AFG1L: variants seen among roughly 807,000 people sequenced by gnomAD.
AFG1L encodes the protein AFG1 like ATPase.
Under a neutral mutation model 62.2 loss-of-function variants are expected in AFG1L, and 53 were observed. That is an observed-to-expected ratio of 0.85 (90% CI 0.68 to 1.07). The LOEUF is 1.07. AFG1L is among the 50% of genes least tolerant of loss of function. The probability of loss-of-function intolerance (pLI) is 0.00; values close to 1 mark genes in which losing one functional copy is unlikely to be tolerated. For synonymous variants in AFG1L, 228 were observed against 210.3 expected, an observed-to-expected ratio of 1.08 and a Z score of -0.73; for missense variants, 555 against 590.5, an observed-to-expected ratio of 0.94 and a Z score of 0.62.
chr6:108,429,192 A>G (rs936873560), intron 7 of AFG1L, among the ~76,000 whole-genome samples: 2 of 152,104 alleles, frequency 1.3e-5, no homozygotes, highest in African/African-American at 4.8e-5. Flanking sequence ...TTATATTTTT[A>G]TATGTGTATT....
chr6:108,453,559 G>A (rs1007713824), intron 8 of AFG1L, among the ~76,000 whole-genome samples: 6 of 152,196 alleles, frequency 3.9e-5, no homozygotes, highest in Non-Finnish European at 5.9e-5. Flanking sequence ...TAAGACTGAA[G>A]CTTCTATGTG....
chr6:108,380,027 G>C (rs1291413590), intron 6 of AFG1L, among the ~76,000 whole-genome samples: 1 of 152,160 alleles, frequency 6.6e-6, no homozygotes, highest in Non-Finnish European at 1.5e-5. Context: ...AGCAGAGAGG[G>C]CCCCCGTGCA....
intron 10 of AFG1L, among the ~76,000 whole-genome samples, chr6:108,505,524 G>T (rs1304628689): frequency 1.3e-5 from 2 of 152,142 alleles, no homozygotes; most frequent in African/African-American, 4.8e-5. Flanking sequence ...AGGAACTCCA[G>T]ATATTAGAAG....
intron 7 of AFG1L, among the ~76,000 whole-genome samples, chr6:108,425,162 A>AAG (rs1770757687): frequency 6.6e-6 from 1 of 152,152 alleles, no homozygotes; most frequent in Non-Finnish European, 1.5e-5. Context: ...ATGGCACTCT[A>AAG]GGTTGTAACC....
rs183847886 is a variant in AFG1L at position 108,521,123 on chromosome 6, T to C, written c.1318-1174T>C. ...CCCCTGCCCCTGGTCCATGGAAAAA[T>C]TGTCTTCCACGAAACTGGCCCCTGG... On this transcript the variant is annotated intron_variant, in intron 12 of 12. Transcript: ENST00000368977. 8.5e-5 allele frequency: 13 copies of C among 152,254 alleles called. No individual in the cohort carries two copies. In the East Asian group the frequency reaches 2.1e-3, roughly 25 times the overall value. The allele number at this position is 152,254 out of a possible 1,614,324, so 9.4% of individuals were successfully genotyped here. A position where few individuals can be genotyped will look rare whatever the true frequency, so the allele number is the denominator to read the frequency against.
intron 2 of AFG1L, among the ~76,000 whole-genome samples, chr6:108,333,158 C>T (rs568754009): frequency 1.3e-4 from 19 of 148,870 alleles, no homozygotes; most frequent in Middle Eastern, 3.7e-3. Flanking sequence ...GCCTGTAATC[C>T]CAGCACTTTG....
At chr6:108,300,120 G>C (rs570425634) in intron 1 of AFG1L, among the ~76,000 whole-genome samples, 1 of 150,794 alleles carries the variant, frequency 6.6e-6, no homozygotes, top group Non-Finnish European at 1.5e-5. Context: ...AATCTCTTTA[G>C]TATACATACA....
intron 1 of AFG1L, among the ~76,000 whole-genome samples, chr6:108,321,313 A>C (rs986529959): frequency 2.0e-5 from 3 of 152,214 alleles, no homozygotes; most frequent in African/African-American, 2.4e-5. Context: ...CAGGGAGCCC[A>C]GTAGAAGAGA....
intron 8 of AFG1L, 151 bp downstream of exon 8, chr6:108,447,447 C>G (rs1462728951): frequency 3.6e-6 from 2 of 553,838 alleles, no homozygotes; most frequent in African/African-American, 1.9e-5. Flanking sequence ...CTTCTTCAAC[C>G]CGTGTCTTTA....
chr6:108,470,404 A>C (rs1772837901), intron 8 of AFG1L, among the ~76,000 whole-genome samples: 1 of 152,204 alleles, frequency 6.6e-6, no homozygotes. Context: ...TGGCAATAGA[A>C]GTGGCACTGC....
At chr6:108,365,194 A>G (rs767585504) in intron 5 of AFG1L, among the ~76,000 whole-genome samples, 18 of 152,176 alleles carry the variant, frequency 1.2e-4, no homozygotes, top group Non-Finnish European at 2.2e-4. Context: ...TCTAAAGTCC[A>G]TGTTATTATA....
chr6:108,370,706 T>C (rs1779966259), intron 6 of AFG1L, among the ~76,000 whole-genome samples: 1 of 152,128 alleles, frequency 6.6e-6, no homozygotes, highest in South Asian at 2.1e-4. Context: ...AAGGACACTT[T>C]CTAATTTTCT....
At chr6:108,316,675 G>A (rs1376706473) in intron 1 of AFG1L, among the ~76,000 whole-genome samples, 2 of 151,434 alleles carry the variant, frequency 1.3e-5, no homozygotes, top group African/African-American at 4.8e-5. Context: ...TGGGACTACA[G>A]GCACCTGCCA....
At chr6:108,384,173 A>G (rs1758138) in intron 6 of AFG1L, among the ~76,000 whole-genome samples, 100,268 of 152,010 alleles carry the variant, frequency 0.66, 34,952 homozygotes, top group African/African-American at 0.9. Flanking sequence ...AGGGCAGGGT[A>G]AAGTCAGTGC....
intron 7 of AFG1L, among the ~76,000 whole-genome samples, chr6:108,440,096 A>T (rs999736917): frequency 6.6e-6 from 1 of 152,220 alleles, no homozygotes; most frequent in African/African-American, 2.4e-5. Context: ...AGAAAGGGGT[A>T]TTCATTTCTA....
intron 3 of AFG1L, among the ~76,000 whole-genome samples, chr6:108,352,610 C>T (rs1779128286): frequency 6.6e-6 from 1 of 152,078 alleles, no homozygotes; most frequent in South Asian, 2.1e-4. Context: ...TCGCCCAGGT[C>T]CTGAAGTGTA....
At chr6:108,423,557 G>T (rs1770691734) in intron 7 of AFG1L, among the ~76,000 whole-genome samples, 1 of 151,916 alleles carries the variant, frequency 6.6e-6, no homozygotes, top group African/African-American at 2.4e-5. Flanking sequence ...TATATTAGGG[G>T]TGCTTGGTAC....
chr6:108,494,237 A>G (rs1162042553), intron 10 of AFG1L, among the ~76,000 whole-genome samples: 2 of 151,832 alleles, frequency 1.3e-5, no homozygotes, highest in African/African-American at 4.8e-5. Flanking sequence ...ATCTGATTCG[A>G]TAGACCTGAC....
intron 10 of AFG1L, among the ~76,000 whole-genome samples, chr6:108,489,593 T>C (rs1484863911): frequency 6.6e-6 from 1 of 152,176 alleles, no homozygotes; most frequent in African/African-American, 2.4e-5. Flanking sequence ...TCCTAATTGC[T>C]GCCTCGAGGA....
Sources: allele counts gnomAD v4.1 joint callset (sites outside exome capture counted in the v4.1 genomes callset), GRCh38; gene constraint gnomAD v4.1.1; transcripts MANE v1.5; gene names NCBI Gene and HGNC (gene_info 2026-07-23, HGNC 2026-07-21).